EVC2: variants seen among roughly 807,000 people sequenced by gnomAD.
The protein encoded by EVC2 is EvC ciliary complex subunit 2, also known as limbin.
A neutral mutation model predicts 149.3 loss-of-function variants in EVC2; 148 were observed. That is an observed-to-expected ratio of 0.99 (90% CI 0.87 to 1.14). The LOEUF (loss-of-function observed/expected upper bound fraction) is 1.14. EVC2 is among the 50% of genes most tolerant of loss of function. The probability of loss-of-function intolerance (pLI) is 0.00; values close to 1 mark genes in which losing one functional copy is unlikely to be tolerated. For synonymous variants in EVC2, 776 were observed against 649.9 expected, an observed-to-expected ratio of 1.19 and a Z score of -2.95; for missense variants, 1,854 against 1,627.3, an observed-to-expected ratio of 1.14 and a Z score of -2.40.
At chr4:5,652,967 C>T (rs568194980) in intron 9 of EVC2, among the ~76,000 whole-genome samples, 1 of 152,282 alleles carries the variant, frequency 6.6e-6, no homozygotes, top group South Asian at 2.1e-4. Flanking sequence ...ACAGTCCAAA[C>T]TCAAGGTGTT....
chr4:5,708,267 G>C lies in EVC2; in HGVS notation c.228+19C>G. ...AACCACTACAGTCAGACCGGAGCCT[G>C]GGGTCGGGCCCTCCTTACCTGCGTG... On this transcript the variant is annotated intron_variant, in intron 1 of 21. Coordinates refer to ENST00000344408, the MANE Select transcript of EVC2 (RefSeq NM_147127.5). The C allele has an allele frequency of 6.8e-7, 1 of 1,472,876 alleles. No individual in the cohort carries two copies. Among genetic ancestry groups the C allele is most frequent in the Non-Finnish European group, 8.9e-7 (1 of 1,117,640 alleles). The allele number at this position is 1,472,876 out of a possible 1,614,324, so 91.2% of individuals were successfully genotyped here. A position where few individuals can be genotyped will look rare whatever the true frequency, so the allele number is the denominator to read the frequency against.
intron 16 of EVC2, among the ~76,000 whole-genome samples, chr4:5,609,927 G>A (rs1199213067): frequency 3.9e-5 from 6 of 152,180 alleles, no homozygotes; most frequent in South Asian, 2.1e-4. Flanking sequence ...AAACAGGGAC[G>A]TTGATGGTTC....
chr4:5,594,992 A>G (rs1713242122), intron 16 of EVC2, among the ~76,000 whole-genome samples: 1 of 152,226 alleles, frequency 6.6e-6, no homozygotes, highest in African/African-American at 2.4e-5. Flanking sequence ...AATGAATGAA[A>G]TAAAGCAAGA....
Position 5,670,896 on chromosome 4 carries a change from C to T in EVC2, c.871-5247G>A, listed in dbSNP as rs1324438472. Among the ~76,000 whole-genome samples, 4 of 152,100 alleles carry T rather than the reference C, an allele frequency of 2.6e-5. No individual in the cohort carries two copies. Among genetic ancestry groups the T allele is most frequent in the African/African-American group, 9.7e-5 (4 of 41,416 alleles). On this transcript the variant is annotated intron_variant, in intron 7 of 21. Transcript: ENST00000344408. This position sits in a 1 kb window ranked among gnomAD's most constrained non-coding sequence, Gnocchi z 5.2. ...ACATCATCAATATCCCCATCACCAT[C>T]ATCTTCACCATGACCATCACAATCA...
At position 5,622,412 on chromosome 4, in the gene EVC2, G is replaced by C; in HGVS notation, c.2501+125C>G. On this transcript the variant is annotated intron_variant, in intron 14 of 21. Coordinates refer to ENST00000344408, the MANE Select transcript of EVC2 (RefSeq NM_147127.5). This position sits in a 1 kb window ranked among gnomAD's most constrained non-coding sequence, Gnocchi z 5.8. ...CGTTGAGTTTATATGACTAATTAAC[G>C]CTGGTAATCTCATCTGTCTGGGGCC... 1 of 1,111,516 alleles carries C rather than the reference G, an allele frequency of 9.0e-7. No homozygotes were observed. Among genetic ancestry groups the C allele is most frequent in the South Asian group, 1.4e-5 (1 of 73,406 alleles). The allele number at this position is 1,111,516 out of a possible 1,614,324, so 68.9% of individuals were successfully genotyped here. A position where few individuals can be genotyped will look rare whatever the true frequency, so the allele number is the denominator to read the frequency against.
rs73065612 is a variant in EVC2 at position 5,646,703 on chromosome 4, C to T, written c.1146-5865G>A. The stretch of plus-strand genomic sequence containing the variant: ...GGTTTGTTTGTTTATCAGCTTGTTT[C>T]GTTATGTTTTAGCATGAGGCCAAAG... On this transcript the variant is annotated intron_variant, in intron 9 of 21. Coordinates refer to ENST00000344408, the MANE Select transcript of EVC2 (RefSeq NM_147127.5). Among the ~76,000 whole-genome samples, 197 of 152,204 alleles carry T rather than the reference C, an allele frequency of 1.3e-3. 1 individual carries two copies. Among genetic ancestry groups the T allele is most frequent in the Middle Eastern group, 6.8e-3 (2 of 294 alleles).
chr4:5,571,652 T>C (rs949889565), intron 19 of EVC2, among the ~76,000 whole-genome samples: 1 of 152,112 alleles, frequency 6.6e-6, no homozygotes. Context: ...TCCCTGATGA[T>C]TCTTTTCTCT....
intron 9 of EVC2, among the ~76,000 whole-genome samples, chr4:5,655,362 ACAG>A (rs1461058482): frequency 1.3e-5 from 2 of 152,130 alleles, no homozygotes; most frequent in African/African-American, 4.8e-5. Flanking sequence ...GGACCTAGAC[ACAG>A]GTTATCTGTA....
intron 17 of EVC2, among the ~76,000 whole-genome samples, chr4:5,580,178 C>A (rs1711629641): frequency 6.6e-6 from 1 of 152,150 alleles, no homozygotes; most frequent in Non-Finnish European, 1.5e-5. Context: ...AGCCCATTCC[C>A]AATAGGAAAG....
At chr4:5,707,404 A>G (rs1430175960) in intron 1 of EVC2, among the ~76,000 whole-genome samples, 1 of 152,126 alleles carries the variant, frequency 6.6e-6, no homozygotes, top group African/African-American at 2.4e-5. Context: ...GGAGGACCTC[A>G]GGGCAGCATC....
At chr4:5,685,097 A>G (rs1407934370) in intron 6 of EVC2, among the ~76,000 whole-genome samples, 1 of 152,206 alleles carries the variant, frequency 6.6e-6, no homozygotes, top group African/African-American at 2.4e-5. Context: ...GACACAGGGA[A>G]GAGAATTCAC....
At chr4:5,601,770 T>C (rs1288748134) in intron 16 of EVC2, among the ~76,000 whole-genome samples, 1 of 152,180 alleles carries the variant, frequency 6.6e-6, no homozygotes, top group Non-Finnish European at 1.5e-5. Context: ...AAGATGTGTT[T>C]CACTAACAAC....
chr4:5,579,165 G>C (rs1053177943), intron 17 of EVC2, among the ~76,000 whole-genome samples: 6 of 152,100 alleles, frequency 3.9e-5, no homozygotes, highest in Non-Finnish European at 7.4e-5. Flanking sequence ...CGTGCAGGGG[G>C]GTAACTAGAG....
At chr4:5,663,296 C>T in intron 8 of EVC2, 50 bp from the exon 9 acceptor site, 1 of 1,611,802 alleles carries the variant, frequency 6.2e-7, no homozygotes, top group Non-Finnish European at 8.5e-7. Context: ...CTTGTGAATT[C>T]CACGTGCTGA....
Position 5,688,053 on chromosome 4 carries a change from T to G in EVC2, c.706+1104A>C, listed in dbSNP as rs1455070935. Among the ~76,000 whole-genome samples the G allele has an allele frequency of 2.0e-5, 3 of 152,288 alleles. No homozygotes were observed. In the East Asian group the frequency reaches 5.8e-4, roughly 29 times the overall value. ...CCATGCTTTGAACACGAGTTAAGAA[T>G]AGCGGATTCATCTTTATATCATTGA... On this transcript the variant is annotated intron_variant, in intron 5 of 21. Transcript: ENST00000344408.
At chr4:5,591,681 T>G (rs1251963364) in intron 16 of EVC2, among the ~76,000 whole-genome samples, 1 of 152,182 alleles carries the variant, frequency 6.6e-6, no homozygotes, top group Non-Finnish European at 1.5e-5. Context: ...CCAAAATTCT[T>G]TTTTCTTCTT....
At chr4:5,650,632 TATATATAG>T (rs1267188175) in intron 9 of EVC2, among the ~76,000 whole-genome samples, 997 of 61,098 alleles carry the variant, frequency 0.016, 4 homozygotes, top group Non-Finnish European at 0.022. Flanking sequence ...TATATATATA[TATATATAG>T]AGAGAGAGAG....
downstream of EVC2, among the ~76,000 whole-genome samples, chr4:5,540,269 T>C (rs1055649581): frequency 1.3e-5 from 2 of 152,242 alleles, no homozygotes; most frequent in African/African-American, 4.8e-5. Flanking sequence ...GGAAAGCTGT[T>C]TGACAGATTC....
At chr4:5,603,411 A>C (rs1419216638) in intron 16 of EVC2, among the ~76,000 whole-genome samples, 2 of 152,206 alleles carry the variant, frequency 1.3e-5, no homozygotes, top group Non-Finnish European at 2.9e-5. Flanking sequence ...CCCTTCCTAA[A>C]TGGATTCCCT....
Sources: allele counts gnomAD v4.1 joint callset (sites outside exome capture counted in the v4.1 genomes callset), GRCh38; gene constraint gnomAD v4.1.1; non-coding constraint Gnocchi (gnomAD v3.1); transcripts MANE v1.5; gene names NCBI Gene and HGNC (gene_info 2026-07-23, HGNC 2026-07-21).